The following ATP10A variants were observed in gnomAD, a reference collection of about 807,000 sequenced individuals.
The protein encoded by ATP10A is ATPase phospholipid transporting 10A (putative).
ATP10A carries 111 observed loss-of-function variants against 147.8 expected under a neutral mutation model. The observed-to-expected ratio is 0.75, with a 90% confidence interval of 0.64 to 0.88. The LOEUF (loss-of-function observed/expected upper bound fraction) is 0.88, where lower values mean the gene tolerates loss of function less well. Ranked by LOEUF, ATP10A falls within the 40% of genes least tolerant of loss-of-function variation. ATP10A has a pLI of 0.00. For missense variants in ATP10A, 1,927 were observed against 1,959.0 expected, an observed-to-expected ratio of 0.98 and a Z score of 0.31; for synonymous variants, 875 against 841.6, an observed-to-expected ratio of 1.04 and a Z score of -0.69.
chr15:25,815,208 C>T (rs1349556687), intron 1 of ATP10A, among the ~76,000 whole-genome samples: 2 of 152,120 alleles, frequency 1.3e-5, no homozygotes, highest in Non-Finnish European at 2.9e-5. Context: ...CAAATAAATG[C>T]CTACTCACTT....
intron 2 of ATP10A, among the ~76,000 whole-genome samples, chr15:25,771,174 G>A (rs1246421939): frequency 6.6e-6 from 1 of 152,056 alleles, no homozygotes; most frequent in Non-Finnish European, 1.5e-5. Flanking sequence ...TTGGACTTGT[G>A]CCTTCCCCAC....
chr15:25,694,046 C>T (rs1457735500), intron 14 of ATP10A, among the ~76,000 whole-genome samples: 4 of 151,950 alleles, frequency 2.6e-5, no homozygotes, highest in Admixed American at 6.5e-5. Flanking sequence ...GTGGGGGTCA[C>T]GGCCACTGCT....
At chr15:25,771,134 G>C (rs1384717262) in intron 2 of ATP10A, among the ~76,000 whole-genome samples, 4 of 152,130 alleles carry the variant, frequency 2.6e-5, no homozygotes, top group Admixed American at 6.5e-5. Flanking sequence ...CGTGTTGCAA[G>C]TGCTGGCTCT....
chr15:25,680,442 G>A (rs974264451), intron 19 of ATP10A, 134 bp from the exon 20 acceptor site: 9 of 969,162 alleles, frequency 9.3e-6, no homozygotes, highest in African/African-American at 4.9e-5. Context: ...GGTCTATGAC[G>A]CGGGTAACCG....
rs370747019 is a variant in ATP10A, at chr15:25,758,777, CCTAA to C, written c.654+22238_654+22241del. ...AACTCATTCCGATCACCTGCTCCAC[CCTAA>C]CTCATTCCGACCACCTGCTCCACCC... On this transcript the variant is annotated intron_variant, in intron 2 of 20. Coordinates refer to ENST00000555815, the MANE Select transcript of ATP10A (RefSeq NM_024490.4). Among the ~76,000 whole-genome samples the C allele has an allele frequency of 1.3e-3, 80 of 60,456 alleles. 1 individual carries two copies. The highest frequency in any genetic ancestry group is 2.3e-3 in the African/African-American group (38 of 16,810). The allele number at this position is 60,456 out of a possible 152,430, so 39.7% of individuals were successfully genotyped here.
chr15:25,749,730 T>G (rs1219152766), intron 2 of ATP10A, among the ~76,000 whole-genome samples: 1 of 152,188 alleles, frequency 6.6e-6, no homozygotes, highest in Non-Finnish European at 1.5e-5. Context: ...ATTAAAGCAG[T>G]AATTATGCTG....
chr15:25,691,648 A>C, intron 15 of ATP10A, 67 bp downstream of exon 15: 1 of 1,538,922 alleles, frequency 6.5e-7, no homozygotes, highest in Non-Finnish European at 9.0e-7. Flanking sequence ...GGGACAGCCC[A>C]CAGGGTGACA....
chr15:25,730,528 G>A (rs1327382971), intron 3 of ATP10A, among the ~76,000 whole-genome samples: 1 of 152,050 alleles, frequency 6.6e-6, no homozygotes, highest in Non-Finnish European at 1.5e-5. Flanking sequence ...CACTAATCTA[G>A]CATCTGCTCT....
chr15:25,835,844 C>T (rs566760849), intron 1 of ATP10A, among the ~76,000 whole-genome samples: 12 of 152,142 alleles, frequency 7.9e-5, no homozygotes, highest in Non-Finnish European at 1.2e-4. Context: ...GACGGAGTCT[C>T]ACTCTGTCGC....
At position 25,711,991 on chromosome 15, in the gene ATP10A, G is replaced by C. The variant is rs532539377; in HGVS notation, c.2344+1683C>G. Among the ~76,000 whole-genome samples the C allele has an allele frequency of 2.3e-4, 35 of 152,296 alleles. No individual in the cohort carries two copies. In the South Asian group the frequency reaches 5.0e-3, roughly 22 times the overall value. Reference sequence around the variant, plus strand: ...GGCCTCTGGAGGCCAGGCCACCACTGTTCCTTTTGCCATGGCCCTCGGCAC... The same window carrying C: ...GGCCTCTGGAGGCCAGGCCACCACTCTTCCTTTTGCCATGGCCCTCGGCAC... On this transcript the variant is annotated intron_variant, in intron 10 of 20. Coordinates refer to ENST00000555815, the MANE Select transcript of ATP10A (RefSeq NM_024490.4).
At chr15:25,732,318 C>T (rs1886982244) in intron 3 of ATP10A, among the ~76,000 whole-genome samples, 1 of 152,090 alleles carries the variant, frequency 6.6e-6, no homozygotes, top group African/African-American at 2.4e-5. Context: ...TCACTGCAAT[C>T]TCTGCCTCCC....
chr15:25,856,230 T>C (rs1893511401), intron 1 of ATP10A, among the ~76,000 whole-genome samples: 1 of 152,098 alleles, frequency 6.6e-6, no homozygotes. Flanking sequence ...ATGGAGGCGG[T>C]TTCCTCCATG....
Position 25,694,991 on chromosome 15 carries a change from G to A in ATP10A, c.2916C>T (p.Leu972=), listed in dbSNP as rs751433110. 3 of 1,614,188 alleles carry A rather than the reference G, an allele frequency of 1.9e-6. No homozygotes were observed. The highest frequency in any genetic ancestry group is 2.5e-6 in the Non-Finnish European group (3 of 1,180,042). The stretch of plus-strand genomic sequence containing the variant: ...AGGCCAGGCTTCTCCCATCGATCAC[G>A]AGGCTGGGTCTGCGGCCAGAGGCAG... ...TSTASGRRPS[L]VIDGRSLAYA... is the part of the protein sequence containing the mutation. Residue 972 remains leucine, a synonymous_variant, in exon 14 of 21, where the codon CTC becomes CTT. Transcript: ENST00000555815.
At chr15:25,815,786 G>A (rs571951001) in intron 1 of ATP10A, among the ~76,000 whole-genome samples, 444 of 152,286 alleles carry the variant, frequency 2.9e-3, no homozygotes, top group Non-Finnish European at 4.9e-3. Context: ...CATTTTAGGA[G>A]AAAAGCTAAC....
intron 15 of ATP10A, among the ~76,000 whole-genome samples, chr15:25,690,901 C>T (rs780073149): frequency 1.3e-5 from 2 of 152,226 alleles, no homozygotes; most frequent in African/African-American, 4.8e-5. Context: ...AAGGACCAGC[C>T]GTGACGGAAC....
intron 7 of ATP10A, 76 bp from the exon 8 acceptor site, chr15:25,718,475 T>C: frequency 6.9e-7 from 1 of 1,452,366 alleles, no homozygotes; most frequent in Non-Finnish European, 9.3e-7. Flanking sequence ...TCAGTGTGTT[T>C]TAGGTTCCGC....
intron 1 of ATP10A, among the ~76,000 whole-genome samples, chr15:25,819,226 T>C (rs1428240820): frequency 6.6e-6 from 1 of 152,018 alleles, no homozygotes; most frequent in Non-Finnish European, 1.5e-5. Flanking sequence ...CAAACAAATT[T>C]ACAAAAACCA....
At chr15:25,730,171 C>T (rs1902876667) in intron 3 of ATP10A, among the ~76,000 whole-genome samples, 1 of 150,608 alleles carries the variant, frequency 6.6e-6, no homozygotes, top group Non-Finnish European at 1.5e-5. Context: ...CATGGTGGTA[C>T]ACACCTGTAA....
At chr15:25,847,283 G>C (rs1322188764) in intron 1 of ATP10A, among the ~76,000 whole-genome samples, 2 of 152,154 alleles carry the variant, frequency 1.3e-5, no homozygotes. Flanking sequence ...GAGCCCCAGG[G>C]CCACCTGTTC....
Sources: gnomAD v4.1 joint callset for allele counts (sites outside exome capture counted in the v4.1 genomes callset) on GRCh38, gnomAD v4.1.1 for gene constraint, MANE v1.5 for transcripts, NCBI Gene and HGNC (gene_info 2026-07-23, HGNC 2026-07-21) for gene names.